Variants in YLPM1 observed in about 807,000 individuals in gnomAD.
YLPM1 encodes YLP motif containing 1.
A neutral mutation model predicts 230.0 loss-of-function variants in YLPM1; 99 were observed. The ratio of observed to expected loss-of-function variants is 0.43; its 90% CI spans 0.37 to 0.51. The LOEUF (loss-of-function observed/expected upper bound fraction) is 0.51. YLPM1 is among the 20% of genes least tolerant of loss of function. The probability of loss-of-function intolerance (pLI) is 0.00; values close to 1 mark genes in which losing one functional copy is unlikely to be tolerated. For missense variants in YLPM1, 2,592 were observed against 2,707.7 expected, an observed-to-expected ratio of 0.96 and a Z score of 0.95; for synonymous variants, 984 against 942.5, an observed-to-expected ratio of 1.04 and a Z score of -0.81.
intron 4 of YLPM1, among the ~76,000 whole-genome samples, chr14:74,794,429 G>A (rs752644739): frequency 2.6e-5 from 4 of 152,090 alleles, no homozygotes; most frequent in Non-Finnish European, 5.9e-5. Flanking sequence ...TGATCCACTC[G>A]CCTCCGCGTC....
At chr14:74,823,613 T>G (rs1350234365) in intron 17 of YLPM1, among the ~76,000 whole-genome samples, 1 of 152,028 alleles carries the variant, frequency 6.6e-6, no homozygotes, top group Non-Finnish European at 1.5e-5. Context: ...ACATCAGAAA[T>G]AATAATCTAG....
At chr14:74,766,953 G>A (rs971155365) in intron 1 of YLPM1, among the ~76,000 whole-genome samples, 1 of 141,648 alleles carries the variant, frequency 7.1e-6, no homozygotes. Flanking sequence ...GCGCGATCTT[G>A]GCTCATTGCA....
chr14:74,816,748 T>C lies in YLPM1; in HGVS notation c.5685+58T>C, dbSNP rs1414708692. ...CATTAATAGTATTTAAAGGAAAATG[T>C]GTTTGGAGAGAAATGTGGCTTTTTT... is the stretch of plus-strand genomic sequence containing the variant. On this transcript the variant is annotated intron_variant, in intron 13 of 20. Coordinates refer to ENST00000325680, the MANE Select transcript of YLPM1 (RefSeq NM_019589.3). 4 of 1,536,730 alleles carry C rather than the reference T, an allele frequency of 2.6e-6. No individual in the cohort carries two copies. In the East Asian group the frequency reaches 9.4e-5, roughly 36 times the overall value.
intron 19 of YLPM1, among the ~76,000 whole-genome samples, chr14:74,831,026 A>G (rs1304536920): frequency 2.6e-5 from 4 of 152,196 alleles, no homozygotes; most frequent in Non-Finnish European, 5.9e-5. Context: ...GTCTCTCTTT[A>G]CACGCTTACA....
intron 1 of YLPM1, among the ~76,000 whole-genome samples, chr14:74,777,396 T>G (rs1369083062): frequency 2.0e-5 from 3 of 151,100 alleles, no homozygotes; most frequent in Non-Finnish European, 4.4e-5. Flanking sequence ...TGAAACCCCA[T>G]CTCTACTAAA....
chr14:74,780,399 C>G lies in YLPM1; in HGVS notation c.1111-6C>G. 3 of 1,605,836 alleles carry G rather than the reference C, an allele frequency of 1.9e-6. No individual in the cohort carries two copies. The highest frequency in any genetic ancestry group is 2.6e-6 in the Non-Finnish European group (3 of 1,175,934). On this transcript the variant is annotated splice_region_variant and splice_polypyrimidine_tract_variant and intron_variant, in intron 2 of 20. Transcript: ENST00000325680. The stretch of plus-strand genomic sequence containing the variant: ...TACATAAAGATGTGTCCTCTTTTAT[C>G]TTTAGTCTGAGGACCCAGAAGAAGA...
Position 74,797,771 on chromosome 14 carries a change from G to T in YLPM1, c.2474G>T (p.Ser825Ile). Residue 825 changes from serine (S) to isoleucine (I), a missense_variant, in exon 5 of 21, where the codon AGT (serine) becomes ATT (isoleucine). By Grantham distance (142) the Ser-to-Ile change is moderately radical (BLOSUM62 -2). Around this residue, in one of 4 missense-constraint regions of YLPM1, gnomAD observed 1,862 missense variants for 1,819.8 expected, o/e 1.02. Coordinates refer to ENST00000325680, the MANE Select transcript of YLPM1 (RefSeq NM_019589.3). ...GCATCTCAATTTTATATTACCCCCA[G>T]TACATCCCTAAGTCCTCGACAGAGT... ...GPASQFYITPSTSLSPRQSGP... is the reference protein window; with the variant it reads ...GPASQFYITPITSLSPRQSGP... 4 of 1,613,854 alleles carry T rather than the reference G, an allele frequency of 2.5e-6. No individual in the cohort carries two copies. Among genetic ancestry groups the T allele is most frequent in the Admixed American group, 1.7e-5 (1 of 60,010 alleles).
Position 74,763,657 on chromosome 14 carries a change from G to T in YLPM1, c.168G>T (p.Gln56His). The T allele has an allele frequency of 6.3e-7, 1 of 1,585,496 alleles. No homozygotes were observed. Among genetic ancestry groups the T allele is most frequent in the Non-Finnish European group, 8.6e-7 (1 of 1,163,948 alleles). ...CGGGCTTCATGAGCTTCCGCGAACA[G>T]CACTTGGCGCAGCTCCAGCAGCTGC... ...SSSGFMSFRE[Q>H]HLAQLQQLQQ... Residue 56 changes from glutamine to histidine, a missense_variant, in exon 1 of 21, where the codon CAG becomes CAT. Physicochemically the swap from Gln to His is conservative, Grantham distance 24. This residue lies in a region of YLPM1 where 1,862 missense variants were observed against 1,819.8 expected (regional missense o/e 1.02). Transcript: ENST00000325680.
chr14:74,775,609 TA>T (rs1369777798), intron 1 of YLPM1, among the ~76,000 whole-genome samples: 8 of 152,268 alleles, frequency 5.3e-5, no homozygotes, highest in Admixed American at 4.6e-4. Flanking sequence ...CTCAAAGTGA[TA>T]AGGATAAGCA....
Position 74,799,474 on chromosome 14 carries a change from A to G in YLPM1, c.4177A>G (p.Arg1393Gly), listed in dbSNP as rs192254104. The change falls in exon 5 of 21, where the codon AGA (arginine) becomes GGA (glycine). Residue 1393 changes from arginine to glycine, a missense_variant. Physicochemically the swap from Arg to Gly is moderately radical, Grantham distance 125. Transcript: ENST00000325680. ...WREKRDYVPD[R>G]MDWERERLSD... Reference sequence around the variant, plus strand: ...GGAAAAGCGAGATTATGTTCCTGACAGAATGGACTGGGAAAGAGAACGGTT... The same window carrying G: ...GGAAAAGCGAGATTATGTTCCTGACGGAATGGACTGGGAAAGAGAACGGTT... 1.9e-6 allele frequency: 3 copies of G among 1,614,034 alleles called. No individual in the cohort carries two copies. The highest frequency in any genetic ancestry group is 2.5e-6 in the Non-Finnish European group (3 of 1,179,894).
Position 74,816,190 on chromosome 14 carries a change from TA to T in YLPM1, c.5503-12del. On this transcript the variant is annotated splice_polypyrimidine_tract_variant and intron_variant, in intron 11 of 20. Coordinates refer to ENST00000325680, the MANE Select transcript of YLPM1 (RefSeq NM_019589.3). ...CAGTGATTTTTTTTTTTTTTTGGTC[TA>T]TTCTGTTTCAGATTGTTGTTATAAT... 1.3e-6 allele frequency: 2 copies of T among 1,583,690 alleles called. No individual in the cohort carries two copies. The highest frequency in any genetic ancestry group is 1.7e-6 in the Non-Finnish European group (2 of 1,165,086).
chr14:74,813,037 C>T (rs1011215408), intron 11 of YLPM1, among the ~76,000 whole-genome samples: 3 of 151,988 alleles, frequency 2.0e-5, no homozygotes, highest in Non-Finnish European at 4.4e-5. Context: ...ATTAATTGCG[C>T]GTTGAAGAGA....
intron 4 of YLPM1, 50 bp from the exon 5 acceptor site, chr14:74,797,530 T>C (rs2140108260): frequency 2.2e-6 from 3 of 1,393,836 alleles, no homozygotes; most frequent in Non-Finnish European, 2.8e-6. Context: ...ATGGAGAATT[T>C]TTTTTTTCTG....
At chr14:74,790,271 TG>T (rs1343112484) in intron 4 of YLPM1, among the ~76,000 whole-genome samples, 3 of 152,220 alleles carry the variant, frequency 2.0e-5, no homozygotes, top group Non-Finnish European at 4.4e-5. Context: ...TATTTCCATT[TG>T]TTATGGTTGT....
rs758077129 is a variant in YLPM1 at position 74,799,553 on chromosome 14, A to G, written c.4256A>G (p.His1419Arg). The G allele has an allele frequency of 6.2e-7, 1 of 1,613,954 alleles. No homozygotes were observed. ...DVDRHSPMAE[H>R]MPSSHHSSEM... is the part of the protein sequence containing the mutation. ...GATAGACATTCCCCCATGGCGGAAC[A>G]TATGCCCTCCTCACATCATTCCTCA... Residue 1419 changes from histidine to arginine, a missense_variant, in exon 5 of 21, where the codon CAT (histidine) becomes CGT (arginine). His to Arg is a conservative substitution (Grantham distance 29). Transcript: ENST00000325680.
intron 19 of YLPM1, among the ~76,000 whole-genome samples, chr14:74,832,039 G>A (rs547912267): frequency 6.6e-6 from 1 of 152,106 alleles, no homozygotes; most frequent in African/African-American, 2.4e-5. Flanking sequence ...TGCTGAATTT[G>A]TATATTTTAG....
At position 74,833,374 on chromosome 14, in the gene YLPM1, T is replaced by C. The variant is rs144820821; in HGVS notation, c.6295-1891T>C. 1.3e-3 allele frequency among the ~76,000 whole-genome samples: 196 copies of C among 152,158 alleles called. 1 individual carries two copies. The highest frequency in any genetic ancestry group is 4.7e-3 in the African/African-American group (194 of 41,516). Reference sequence around the variant, plus strand: ...AACAATTCTCCCACCTCATCCTCCCTAGTAGCTAGGATTTCAGGCACCCAC... The same window carrying C: ...AACAATTCTCCCACCTCATCCTCCCCAGTAGCTAGGATTTCAGGCACCCAC... On this transcript the variant is annotated intron_variant, in intron 19 of 20. Transcript: ENST00000325680.
At chr14:74,812,346 T>A (rs1407265264) in intron 10 of YLPM1, among the ~76,000 whole-genome samples, 4 of 152,356 alleles carry the variant, frequency 2.6e-5, no homozygotes, top group Admixed American at 2.6e-4. Context: ...TTTATTATTC[T>A]TCCATGTCCT....
intron 18 of YLPM1, chr14:74,828,034 G>T (rs1016413151): frequency 2.2e-5 from 22 of 982,540 alleles, no homozygotes; most frequent in Non-Finnish European, 2.5e-5. Flanking sequence ...TGGGAAGGGG[G>T]CTTAGGAACA....
Sources: allele counts gnomAD v4.1 joint callset (sites outside exome capture counted in the v4.1 genomes callset), GRCh38; gene constraint gnomAD v4.1.1; regional missense constraint gnomAD v4.1.1; transcripts MANE v1.5; gene names NCBI Gene and HGNC (gene_info 2026-07-23, HGNC 2026-07-21).